The following SPTLC2 variants were observed in gnomAD, a reference collection of about 807,000 sequenced individuals.
The protein encoded by SPTLC2 is serine palmitoyltransferase 2.
A neutral mutation model predicts 62.0 loss-of-function variants in SPTLC2; 21 were observed. The observed-to-expected ratio is 0.34, with a 90% CI of 0.24 to 0.49. SPTLC2 has a LOEUF of 0.49. SPTLC2 is among the 20% of genes least tolerant of loss of function. The pLI, the probability that SPTLC2 is intolerant of heterozygous loss-of-function variation, is 0.99. For missense variants in SPTLC2, 511 were observed against 713.0 expected, an observed-to-expected ratio of 0.72 and a Z score of 3.23; for synonymous variants, 261 against 261.8, an observed-to-expected ratio of 1.00 and a Z score of 0.03.
intron 3 of SPTLC2, among the ~76,000 whole-genome samples, chr14:77,577,216 C>G (rs2079721584): frequency 6.6e-6 from 1 of 152,056 alleles, no homozygotes; most frequent in South Asian, 2.1e-4. Context: ...CAGTACTTAT[C>G]CATTAAAAGA....
intron 1 of SPTLC2, among the ~76,000 whole-genome samples, chr14:77,601,324 C>A (rs2079876136): frequency 6.6e-6 from 1 of 152,106 alleles, no homozygotes; most frequent in Non-Finnish European, 1.5e-5. Flanking sequence ...TGTAATCTCC[C>A]CCACCCTTAA....
rs1324453258 is a variant in SPTLC2 at position 77,510,710 on chromosome 14, G to A, written c.*1574C>T. ...GCTGGTCTTGAATTCCTGACCTCAA[G>A]TGAGCCACCTGCCTCAGCCTCCCAA... On this transcript the variant is annotated 3_prime_UTR_variant, in exon 12 of 12. Transcript: ENST00000216484. 1 of 152,242 alleles carries A rather than the reference G, an allele frequency of 6.6e-6. No homozygotes were observed. The highest frequency in any genetic ancestry group is 6.5e-5 in the Admixed American group (1 of 15,274). The allele number at this position is 152,242 out of a possible 1,614,324, so 9.4% of individuals were successfully genotyped here.
At chr14:77,585,291 C>G (rs966040531) in intron 2 of SPTLC2, among the ~76,000 whole-genome samples, 6 of 152,138 alleles carry the variant, frequency 3.9e-5, no homozygotes, top group African/African-American at 1.4e-4. Context: ...ATGTATTTTA[C>G]AGAGTCACTG....
intron 9 of SPTLC2, among the ~76,000 whole-genome samples, chr14:77,532,847 T>C (rs8022297): frequency 0.96 from 146,136 of 152,112 alleles, 70,486 homozygotes; most frequent in East Asian, 1. Flanking sequence ...TTCTGACTGC[T>C]TTTTTTGGAG....
intron 2 of SPTLC2, among the ~76,000 whole-genome samples, chr14:77,589,671 TC>T (rs1243740934): frequency 1.3e-5 from 2 of 152,034 alleles, no homozygotes; most frequent in African/African-American, 4.8e-5. Flanking sequence ...ATGCCTGTAA[TC>T]CCAGCTACTT....
intron 6 of SPTLC2, among the ~76,000 whole-genome samples, chr14:77,559,217 G>A (rs2079601626): frequency 6.6e-6 from 1 of 152,106 alleles, no homozygotes; most frequent in Non-Finnish European, 1.5e-5. Context: ...CAGCTACTTG[G>A]GAGGCTGAGA....
intron 9 of SPTLC2, among the ~76,000 whole-genome samples, chr14:77,545,812 T>C (rs982303715): frequency 1.3e-5 from 2 of 152,178 alleles, no homozygotes; most frequent in African/African-American, 4.8e-5. Flanking sequence ...AAACTAACTC[T>C]GAAACGAGGC....
intron 8 of SPTLC2, among the ~76,000 whole-genome samples, chr14:77,553,711 T>C (rs2079567318): frequency 8.8e-6 from 1 of 114,030 alleles, no homozygotes; most frequent in Non-Finnish European, 1.7e-5. Flanking sequence ...AGCCTGGCAA[T>C]GGAGTAAGGC....
At chr14:77,615,714 T>C (rs925539500) in intron 1 of SPTLC2, among the ~76,000 whole-genome samples, 3 of 152,194 alleles carry the variant, frequency 2.0e-5, no homozygotes, top group Non-Finnish European at 2.9e-5. Context: ...TGATTCAGCA[T>C]GGTTAATTAG....
At chr14:77,521,283 C>A (rs963272686) in intron 10 of SPTLC2, among the ~76,000 whole-genome samples, 163 bp downstream of exon 10, 1 of 152,222 alleles carries the variant, frequency 6.6e-6, no homozygotes, top group Non-Finnish European at 1.5e-5. Flanking sequence ...AATTAACATA[C>A]TTTACAATTT....
chr14:77,592,075 CCAAA>C (rs202091885), intron 2 of SPTLC2, among the ~76,000 whole-genome samples: 2,102 of 151,850 alleles, frequency 0.014, 56 homozygotes, highest in African/African-American at 0.048. Flanking sequence ...AGAAGACAAA[CCAAA>C]CAATCAATCC....
intron 11 of SPTLC2, among the ~76,000 whole-genome samples, chr14:77,513,016 C>CTTTTT (rs1190713237): frequency 0.021 from 1,327 of 62,828 alleles, 344 homozygotes; most frequent in Admixed American, 0.03. Context: ...AACCCAGCAA[C>CTTTTT]TTTTTTTTTT....
At chr14:77,512,776 C>T (rs1183021126) in intron 11 of SPTLC2, among the ~76,000 whole-genome samples, 3 of 152,136 alleles carry the variant, frequency 2.0e-5, no homozygotes, top group Non-Finnish European at 2.9e-5. Context: ...AGTGCTGTGG[C>T]GCCCTCCGAG....
chr14:77,593,858 C>G (rs1408725519), intron 2 of SPTLC2, among the ~76,000 whole-genome samples: 1 of 152,184 alleles, frequency 6.6e-6, no homozygotes, highest in African/African-American at 2.4e-5. Flanking sequence ...ATTTGCCTCC[C>G]TCTTTCCCCA....
chr14:77,572,866 G>A (rs2079691414), intron 4 of SPTLC2, among the ~76,000 whole-genome samples: 1 of 152,154 alleles, frequency 6.6e-6, no homozygotes, highest in Non-Finnish European at 1.5e-5. Flanking sequence ...TGATAGAATT[G>A]AAGCGATTAG....
intron 1 of SPTLC2, among the ~76,000 whole-genome samples, chr14:77,600,738 C>A (rs892828629): frequency 5.3e-5 from 8 of 152,032 alleles, no homozygotes; most frequent in African/African-American, 1.9e-4. Flanking sequence ...GAAATGTTTG[C>A]TTGAACAGTA....
chr14:77,528,971 G>A (rs1482813313), intron 9 of SPTLC2, among the ~76,000 whole-genome samples: 1 of 152,044 alleles, frequency 6.6e-6, no homozygotes, highest in East Asian at 1.9e-4. Context: ...GAGTAGCTGA[G>A]CTTACAGGCG....
chr14:77,528,653 T>C (rs1285786881), intron 9 of SPTLC2, among the ~76,000 whole-genome samples: 1 of 152,234 alleles, frequency 6.6e-6, no homozygotes, highest in Non-Finnish European at 1.5e-5. Context: ...TAACTAGGAA[T>C]TAATTGACAT....
At chr14:77,542,163 A>G (rs1365663929) in intron 9 of SPTLC2, among the ~76,000 whole-genome samples, 3 of 152,114 alleles carry the variant, frequency 2.0e-5, no homozygotes, top group African/African-American at 7.2e-5. Context: ...TAGAGCATGT[A>G]AAGAAAAAAA....
Sources: allele counts gnomAD v4.1 joint callset (sites outside exome capture counted in the v4.1 genomes callset), GRCh38; gene constraint gnomAD v4.1.1; transcripts MANE v1.5; gene names NCBI Gene and HGNC (gene_info 2026-07-23, HGNC 2026-07-21).